Variants in TRIM2 observed in about 807,000 individuals in gnomAD.
The protein encoded by TRIM2 is tripartite motif-containing protein 2.
A neutral mutation model predicts 75.2 loss-of-function variants in TRIM2; 20 were observed. That is an observed-to-expected ratio of 0.27 (90% CI 0.19 to 0.39). The LOEUF (loss-of-function observed/expected upper bound fraction) is 0.39. Among genes scored for constraint, TRIM2 ranks in the 10% least tolerant of loss-of-function variants. The pLI, the probability that TRIM2 is intolerant of heterozygous loss-of-function variation, is 1.00. For synonymous variants in TRIM2, 373 were observed against 388.3 expected, an observed-to-expected ratio of 0.96 and a Z score of 0.46; for missense variants, 660 against 990.8, an observed-to-expected ratio of 0.67 and a Z score of 4.48.
chr4:153,316,117 A>C lies in TRIM2; in HGVS notation c.1782+118A>C, dbSNP rs537030878. The C allele has an allele frequency of 7.6e-5, 72 of 953,092 alleles. 1 individual carries two copies. In the African/African-American group the frequency reaches 1.1e-3, roughly 15 times the overall value. The allele number at this position is 953,092 out of a possible 1,614,324, so 59.0% of individuals were successfully genotyped here. A position where few individuals can be genotyped will look rare whatever the true frequency, so the allele number is the denominator to read the frequency against. Reference sequence around the variant, plus strand: ...CAACATTCAACAATTCTTCATACACAAAGATATCTGACATCTAAGTTTGTG... The same window carrying C: ...CAACATTCAACAATTCTTCATACACCAAGATATCTGACATCTAAGTTTGTG... On this transcript the variant is annotated intron_variant, in intron 8 of 11. Coordinates refer to ENST00000338700, the MANE Select transcript of TRIM2 (RefSeq NM_015271.5).
chr4:153,268,368 A>G (rs559291358), intron 1 of TRIM2, among the ~76,000 whole-genome samples: 10 of 106,064 alleles, frequency 9.4e-5, no homozygotes, highest in African/African-American at 3.4e-4. Flanking sequence ...GCCATTATCA[A>G]TTTTTTTCAG....
chr4:153,338,952 G>C lies in TRIM2; in HGVS notation c.*3986G>C. The C allele has an allele frequency of 1.0e-6, 1 of 963,420 alleles. No homozygotes were observed. Among genetic ancestry groups the C allele is most frequent in the Non-Finnish European group, 1.2e-6 (1 of 821,996 alleles). The allele number at this position is 963,420 out of a possible 1,614,324, so 59.7% of individuals were successfully genotyped here. A position where few individuals can be genotyped will look rare whatever the true frequency, so the allele number is the denominator to read the frequency against. On this transcript the variant is annotated 3_prime_UTR_variant, in exon 12 of 12. Transcript: ENST00000338700. ...TCAAGCCTATGTATGAATATGAAGG[G>C]GTTTTTTTTTTTTGCTTTGTTTTCT... is the stretch of plus-strand genomic sequence containing the variant.
chr4:153,176,858 G>A (rs1013275426), intron 1 of TRIM2, among the ~76,000 whole-genome samples: 4 of 152,220 alleles, frequency 2.6e-5, no homozygotes, highest in East Asian at 1.9e-4. Context: ...AGATCCACCC[G>A]CCTCGGCTTC....
At chr4:153,326,497 A>T (rs1278399780) in intron 10 of TRIM2, among the ~76,000 whole-genome samples, 2 of 152,172 alleles carry the variant, frequency 1.3e-5, no homozygotes, top group Non-Finnish European at 2.9e-5. Context: ...TTCTCTGTTG[A>T]TAAGTGTAAA....
intron 11 of TRIM2, 73 bp from the exon 12 acceptor site, chr4:153,334,741 G>A: frequency 1.5e-6 from 2 of 1,330,710 alleles, no homozygotes; most frequent in Non-Finnish European, 2.1e-6. Context: ...TTAGCATCAA[G>A]AGTTTTCTAA....
intron 3 of TRIM2, among the ~76,000 whole-genome samples, chr4:153,282,044 C>A (rs1192918219): frequency 6.6e-6 from 1 of 152,204 alleles, no homozygotes; most frequent in African/African-American, 2.4e-5. Flanking sequence ...ATCTTTTTTG[C>A]ATGTTAGGAA....
At chr4:153,244,176 TCTTCTCCTC>T (rs1747610629) in intron 1 of TRIM2, among the ~76,000 whole-genome samples, 2 of 141,666 alleles carry the variant, frequency 1.4e-5, no homozygotes, top group Non-Finnish European at 3.0e-5. Context: ...TTCTTCTTCT[TCTTCTCCTC>T]CTTCTTCTTC....
rs1481342434 is a variant in TRIM2 at position 153,316,129 on chromosome 4, C to CAGAT, written c.1782+131_1782+132insGATA. 8 of 860,796 alleles carry CAGAT rather than the reference C, an allele frequency of 9.3e-6. No homozygotes were observed. In the Admixed American group the frequency reaches 1.8e-4, roughly 19 times the overall value. The allele number at this position is 860,796 out of a possible 1,614,324, so 53.3% of individuals were successfully genotyped here. ...ATTCTTCATACACAAAGATATCTGA[C>CAGAT]ATCTAAGTTTGTGAAGTGAGAGTAA... is the stretch of plus-strand genomic sequence containing the variant. On this transcript the variant is annotated intron_variant, in intron 8 of 11. Transcript: ENST00000338700.
intron 1 of TRIM2, among the ~76,000 whole-genome samples, chr4:153,241,499 T>C (rs1240800865): frequency 1.3e-5 from 2 of 152,282 alleles, no homozygotes; most frequent in Middle Eastern, 3.4e-3. Context: ...CATGAAGGAT[T>C]CAAAGGGGGC....
chr4:153,324,973 A>G (rs562771346), intron 10 of TRIM2, among the ~76,000 whole-genome samples: 3 of 152,352 alleles, frequency 2.0e-5, no homozygotes, highest in Admixed American at 6.5e-5. Context: ...ACATTAATCT[A>G]AATTTTAAAA....
intron 6 of TRIM2, among the ~76,000 whole-genome samples, chr4:153,308,958 A>C (rs1415107560): frequency 2.0e-5 from 3 of 152,168 alleles, no homozygotes; most frequent in African/African-American, 7.2e-5. Flanking sequence ...ATCCTTGAGA[A>C]TCTCATCCTT....
At chr4:153,246,316 A>G (rs993532033) in intron 1 of TRIM2, among the ~76,000 whole-genome samples, 3 of 152,166 alleles carry the variant, frequency 2.0e-5, no homozygotes, top group Non-Finnish European at 2.9e-5. Context: ...TTTGGCCAAA[A>G]TCACACTGTT....
At chr4:153,280,937 G>T (rs1397270667) in intron 3 of TRIM2, among the ~76,000 whole-genome samples, 1 of 151,866 alleles carries the variant, frequency 6.6e-6, no homozygotes, top group Non-Finnish European at 1.5e-5. Context: ...GCCCGCCTCG[G>T]CCTCCCAAAG....
upstream of TRIM2, among the ~76,000 whole-genome samples, chr4:153,200,724 A>AAAAAAAAT (rs1405991305): frequency 1.0e-4 from 14 of 138,144 alleles, no homozygotes; most frequent in African/African-American, 3.5e-4. Context: ...AAGAAAAAAA[A>AAAAAAAAT]ATATATATAT....
chr4:153,278,528 G>T (rs905111984), intron 3 of TRIM2, among the ~76,000 whole-genome samples: 2 of 152,202 alleles, frequency 1.3e-5, no homozygotes, highest in South Asian at 2.1e-4. Flanking sequence ...GCCAGACATG[G>T]TGGCTCATGC....
intron 1 of TRIM2, among the ~76,000 whole-genome samples, chr4:153,238,536 G>C (rs1282080787): frequency 6.6e-6 from 1 of 152,200 alleles, no homozygotes; most frequent in Non-Finnish European, 1.5e-5. Flanking sequence ...GGGAAGAAAG[G>C]ACTGGACTCC....
chr4:153,244,584 C>CAAGA (rs111295429), intron 1 of TRIM2, among the ~76,000 whole-genome samples: 5,585 of 151,328 alleles, frequency 0.037, 274 homozygotes, highest in African/African-American at 0.12. Flanking sequence ...TGAAGATGTA[C>CAAGA]AAAAATTTGA....
At chr4:153,325,935 G>A (rs1295059470) in intron 10 of TRIM2, among the ~76,000 whole-genome samples, 1 of 152,170 alleles carries the variant, frequency 6.6e-6, no homozygotes, top group Non-Finnish European at 1.5e-5. Flanking sequence ...ATGCAAGGCA[G>A]GTAGCACTAA....
At chr4:153,161,138 G>C (rs766422373) in intron 1 of TRIM2, among the ~76,000 whole-genome samples, 4 of 152,170 alleles carry the variant, frequency 2.6e-5, no homozygotes, top group Admixed American at 6.5e-5. Context: ...AGATTTTGTT[G>C]TACTTTAAAC....
Sources: gnomAD v4.1 joint callset for allele counts (sites outside exome capture counted in the v4.1 genomes callset) on GRCh38, gnomAD v4.1.1 for gene constraint, MANE v1.5 for transcripts, NCBI Gene and HGNC (gene_info 2026-07-23, HGNC 2026-07-21) for gene names.